ANKDD1A: variants seen among roughly 807,000 people sequenced by gnomAD.
ANKDD1A encodes ankyrin repeat and death domain-containing protein 1A.
A neutral mutation model predicts 63.5 loss-of-function variants in ANKDD1A; 59 were observed. That is an observed-to-expected ratio of 0.93 (90% CI 0.75 to 1.15). The LOEUF (loss-of-function observed/expected upper bound fraction) is 1.15. ANKDD1A is among the 50% of genes most tolerant of loss of function. ANKDD1A has a pLI of 0.00. For missense variants in ANKDD1A, 632 were observed against 656.4 expected (o/e 0.96, Z 0.41); for synonymous variants, 266 against 263.9 (o/e 1.01, Z -0.08).
At chr15:64,947,618 T>A in intron 13 of ANKDD1A, 25 bp downstream of exon 13, 1 of 1,610,624 alleles carries the variant, frequency 6.2e-7, no homozygotes, top group Non-Finnish European at 8.5e-7. Flanking sequence ...CTCCTCGCCC[T>A]AAGCAACCAT....
chr15:64,952,787 CCTTCTT>C (rs140081464), intron 14 of ANKDD1A, among the ~76,000 whole-genome samples: 2,176 of 138,998 alleles, frequency 0.016, 21 homozygotes, highest in South Asian at 0.037. Flanking sequence ...TCTTCCTTCT[CCTTCTT>C]CTTTTCTTCT....
chr15:64,921,854 C>A, intron 3 of ANKDD1A, 67 bp from the exon 4 acceptor site: 2 of 1,404,690 alleles, frequency 1.4e-6, no homozygotes, highest in Non-Finnish European at 2.0e-6. Context: ...TCATAAGGCA[C>A]AGGGCCTGGC....
chr15:64,924,382 T>A (rs1428367163), intron 4 of ANKDD1A, among the ~76,000 whole-genome samples: 1 of 151,584 alleles, frequency 6.6e-6, no homozygotes, highest in African/African-American at 2.4e-5. Flanking sequence ...CAGTGTAGAG[T>A]CTCAGTGAGA....
chr15:64,954,348 TTCTTC>T (rs2085381965), intron 14 of ANKDD1A, among the ~76,000 whole-genome samples: 1 of 42,756 alleles, frequency 2.3e-5, no homozygotes, highest in African/African-American at 6.7e-5. Context: ...CCTCCTCTCC[TTCTTC>T]TCTTCTTCTC....
intron 2 of ANKDD1A, 44 bp downstream of exon 2, chr15:64,915,944 C>A (rs185955706): frequency 1.3e-5 from 20 of 1,568,248 alleles, no homozygotes; most frequent in African/African-American, 4.0e-5. Context: ...GGGATAGTGT[C>A]ACGATAATGC....
chr15:64,921,428 G>T (rs1418936065), intron 3 of ANKDD1A, among the ~76,000 whole-genome samples: 1 of 152,238 alleles, frequency 6.6e-6, no homozygotes, highest in Non-Finnish European at 1.5e-5. Flanking sequence ...AGGCTGGAGT[G>T]CAGTGGCATG....
intron 3 of ANKDD1A, chr15:64,920,081 C>T (rs182521509): frequency 6.6e-6 from 1 of 152,324 alleles, no homozygotes; most frequent in African/African-American, 2.4e-5. Flanking sequence ...CCGCTAAGAC[C>T]CCTTTTCTTG....
At chr15:64,924,816 G>A (rs1280303215) in intron 4 of ANKDD1A, among the ~76,000 whole-genome samples, 2 of 152,144 alleles carry the variant, frequency 1.3e-5, no homozygotes, top group Non-Finnish European at 2.9e-5. Context: ...ATTTGGGTTT[G>A]TCTCATGTTT....
chr15:64,944,485 T>G (rs1252076174), intron 11 of ANKDD1A, among the ~76,000 whole-genome samples, 167 bp from the exon 12 acceptor site: 1 of 152,202 alleles, frequency 6.6e-6, no homozygotes, highest in African/African-American at 2.4e-5. Context: ...TATTTGTGAC[T>G]TTTCCATATC....
At chr15:64,951,988 TTC>T (rs1380608888) in intron 14 of ANKDD1A, among the ~76,000 whole-genome samples, 4 of 147,892 alleles carry the variant, frequency 2.7e-5, no homozygotes, top group South Asian at 2.1e-4. Context: ...CTTCTTATTC[TTC>T]TTTCTTTTCT....
chr15:64,927,670 T>C (rs1164962137), intron 6 of ANKDD1A, among the ~76,000 whole-genome samples: 1 of 150,600 alleles, frequency 6.6e-6, no homozygotes, highest in African/African-American at 2.5e-5. Flanking sequence ...AGTGGCGCTG[T>C]CTTGGCTCAC....
intron 14 of ANKDD1A, among the ~76,000 whole-genome samples, chr15:64,954,342 CTCTCCTTCTTCTCTTCT>C (rs1399592310): frequency 1.3e-5 from 1 of 77,422 alleles, no homozygotes; most frequent in African/African-American, 4.7e-5. Flanking sequence ...CTTCTTCCTC[CTCTCCTTCTTCTCTTCT>C]TCTCCTTCTT....
intron 9 of ANKDD1A, among the ~76,000 whole-genome samples, chr15:64,934,457 T>C (rs1199112036): frequency 6.6e-6 from 1 of 151,920 alleles, no homozygotes; most frequent in Non-Finnish European, 1.5e-5. Flanking sequence ...TATTAGCTCC[T>C]GTTCTCTGCT....
At chr15:64,926,715 C>G (rs1259518722) in intron 5 of ANKDD1A, among the ~76,000 whole-genome samples, 186 bp from the exon 6 acceptor site, 1 of 152,148 alleles carries the variant, frequency 6.6e-6, no homozygotes, top group Non-Finnish European at 1.5e-5. Flanking sequence ...GCAAGTGTCT[C>G]TTGTTGGGAA....
At chr15:64,925,253 A>G (rs2085037759) in intron 4 of ANKDD1A, among the ~76,000 whole-genome samples, 1 of 151,344 alleles carries the variant, frequency 6.6e-6, no homozygotes, top group South Asian at 2.1e-4. Flanking sequence ...AAAAAAAAGA[A>G]GTACACATAT....
In ANKDD1A at chr15:64,931,540, G is replaced by A. The variant is rs145881290; in HGVS notation, c.723G>A (p.Val241=). Residue 241 remains valine (V), a synonymous_variant, in exon 8 of 15, where the codon GTG becomes GTA. Transcript: ENST00000319580. ...CTGGAGGATCCCACCCTGACTGTGT[G>A]CAGCTCCTCCTCAGGGCTGGGAGCA... ...SAAGGSHPDC[V]QLLLRAGSTV... The A allele has an allele frequency of 1.1e-5, 18 of 1,614,086 alleles. No homozygotes were observed. The African/African-American group carries it at 2.3e-4, about 20-fold the overall frequency.
intron 8 of ANKDD1A, 123 bp from the exon 9 acceptor site, chr15:64,934,013 A>T: frequency 2.8e-6 from 2 of 706,806 alleles, no homozygotes; most frequent in Non-Finnish European, 4.6e-6. Flanking sequence ...AGCCTCAGTT[A>T]AATGGGGATA....
chr15:64,926,011 T>G, intron 4 of ANKDD1A, 55 bp from the exon 5 acceptor site: 1 of 1,499,882 alleles, frequency 6.7e-7, no homozygotes. Flanking sequence ...ACTGGCAGTG[T>G]GTGAAAAGGG....
At chr15:64,918,049 ATGGCT>A (rs1488972226) in intron 3 of ANKDD1A, among the ~76,000 whole-genome samples, 1 of 152,212 alleles carries the variant, frequency 6.6e-6, no homozygotes, top group Non-Finnish European at 1.5e-5. Flanking sequence ...GGATACACTT[ATGGCT>A]TTGTCTACAT....
Sources: gnomAD v4.1 joint callset for allele counts (sites outside exome capture counted in the v4.1 genomes callset) on GRCh38, gnomAD v4.1.1 for gene constraint, MANE v1.5 for transcripts, NCBI Gene and HGNC (gene_info 2026-07-23, HGNC 2026-07-21) for gene names.